Variants in WDR17 observed in about 807,000 individuals in gnomAD.
WDR17 encodes the protein WD repeat-containing protein 17.
Under a neutral mutation model 161.7 loss-of-function variants are expected in WDR17, and 143 were observed. The observed-to-expected ratio is 0.88, with a 90% CI of 0.77 to 1.02. WDR17 has a LOEUF of 1.02. Ranked by LOEUF, WDR17 falls within the 50% of genes least tolerant of loss-of-function variation. The pLI, the probability that WDR17 is intolerant of heterozygous loss-of-function variation, is 0.00. For missense variants in WDR17, 1,469 were observed against 1,520.9 expected (o/e 0.97, Z 0.57); for synonymous variants, 517 against 515.6 (o/e 1.00, Z -0.04).
intron 7 of WDR17, among the ~76,000 whole-genome samples, chr4:176,134,736 T>TTTG (rs1744121132): frequency 6.6e-6 from 1 of 151,746 alleles, no homozygotes; most frequent in African/African-American, 2.4e-5. Context: ...AGATGACATA[T>TTTG]GGTAACTATT....
intron 4 of WDR17, among the ~76,000 whole-genome samples, chr4:176,122,242 A>G (rs556856101): frequency 4.6e-5 from 7 of 152,236 alleles, no homozygotes; most frequent in Admixed American, 4.6e-4. Context: ...CTCTGTGACA[A>G]AATTTTCCCT....
At chr4:176,178,530 G>A (rs562141953) in intron 28 of WDR17, among the ~76,000 whole-genome samples, 3 of 152,192 alleles carry the variant, frequency 2.0e-5, no homozygotes, top group Admixed American at 2.0e-4. Context: ...AGCCAAACCT[G>A]CATCCAGGAA....
In WDR17 at chr4:176,071,121, TC is replaced by T. The variant is rs1378127322; in HGVS notation, c.-7+5043del. On this transcript the variant is annotated intron_variant, in intron 1 of 28. Coordinates refer to ENST00000508596, the MANE Select transcript of WDR17 (RefSeq NM_181265.4). ...GCAATTTATGGCAGAGTTCCTCAAGTCTTTTTTTTTTTAATGAGCAGTGATT... is the reference window on the plus strand; with the variant it reads ...GCAATTTATGGCAGAGTTCCTCAAGTTTTTTTTTTTTAATGAGCAGTGATT... Among the ~76,000 whole-genome samples the T allele has an allele frequency of 8.5e-5, 9 of 105,306 alleles. No homozygotes were observed. The East Asian group carries it at 2.7e-3, about 31-fold the overall frequency. 69.1% of individuals were successfully genotyped at this position (105,306 alleles called of 152,430 possible).
At chr4:176,121,274 A>T (rs1355831868) in intron 4 of WDR17, among the ~76,000 whole-genome samples, 1 of 152,204 alleles carries the variant, frequency 6.6e-6, no homozygotes, top group Non-Finnish European at 1.5e-5. Flanking sequence ...ATAGTTGGTC[A>T]TTAAGGCTGA....
At chr4:176,101,102 G>A (rs762031732) in intron 1 of WDR17, among the ~76,000 whole-genome samples, 69 of 152,000 alleles carry the variant, frequency 4.5e-4, no homozygotes, top group Non-Finnish European at 8.1e-4. Context: ...TTTTAGGATC[G>A]TGGCATTCTG....
intron 5 of WDR17, among the ~76,000 whole-genome samples, chr4:176,127,519 C>A (rs1329876984): frequency 6.6e-6 from 1 of 152,160 alleles, no homozygotes; most frequent in Non-Finnish European, 1.5e-5. Flanking sequence ...TGGTCTCAAA[C>A]TCCTAACCTC....
At chr4:176,089,639 C>G (rs893430405) in intron 1 of WDR17, among the ~76,000 whole-genome samples, 1 of 151,906 alleles carries the variant, frequency 6.6e-6, no homozygotes, top group African/African-American at 2.4e-5. Context: ...CTGAGTGTTG[C>G]ATGTATGAGT....
intron 7 of WDR17, among the ~76,000 whole-genome samples, chr4:176,132,232 C>A (rs1459183578): frequency 6.6e-6 from 1 of 152,002 alleles, no homozygotes; most frequent in East Asian, 1.9e-4. Flanking sequence ...CCTTGAGATC[C>A]CACATTTTTG....
At chr4:176,157,875 G>T (rs955801821) in intron 18 of WDR17, among the ~76,000 whole-genome samples, 2 of 152,108 alleles carry the variant, frequency 1.3e-5, no homozygotes, top group African/African-American at 4.8e-5. Flanking sequence ...TATATGAACT[G>T]AGCTATAAAG....
At chr4:176,080,316 G>T (rs891648150) in intron 1 of WDR17, among the ~76,000 whole-genome samples, 16 of 151,696 alleles carry the variant, frequency 1.1e-4, no homozygotes, top group African/African-American at 3.6e-4. Flanking sequence ...AATGTATATG[G>T]TATTTAAATT....
chr4:176,115,423 C>G (rs1232693367), intron 2 of WDR17, among the ~76,000 whole-genome samples: 2 of 151,712 alleles, frequency 1.3e-5, no homozygotes, highest in East Asian at 3.9e-4. Flanking sequence ...TTTCTTGATT[C>G]AAGTATAAGT....
At chr4:176,131,798 T>G in intron 7 of WDR17, 60 bp downstream of exon 7, 1 of 1,258,508 alleles carries the variant, frequency 7.9e-7, no homozygotes, top group South Asian at 2.2e-5. Flanking sequence ...CCCATGATCT[T>G]TACTTTTACC....
chr4:176,083,468 T>G (rs891635994), intron 1 of WDR17, among the ~76,000 whole-genome samples: 93 of 152,152 alleles, frequency 6.1e-4, no homozygotes, highest in Non-Finnish European at 1.9e-4. Context: ...AATACAGTAT[T>G]ATTTTTATAT....
chr4:176,095,563 A>G (rs1363858598), intron 1 of WDR17, among the ~76,000 whole-genome samples: 1 of 152,162 alleles, frequency 6.6e-6, no homozygotes, highest in Admixed American at 6.6e-5. Context: ...ATATTGAAGA[A>G]TGAAACACTC....
chr4:176,073,455 T>C (rs865806590), intron 1 of WDR17, among the ~76,000 whole-genome samples: 20 of 151,488 alleles, frequency 1.3e-4, no homozygotes, highest in African/African-American at 4.8e-4. Flanking sequence ...TATGGCTGCA[T>C]AGTATTTCAT....
At chr4:176,119,794 C>A in intron 3 of WDR17, 73 bp from the exon 4 acceptor site, 3 of 1,278,942 alleles carry the variant, frequency 2.3e-6, no homozygotes, top group Non-Finnish European at 3.3e-6. Flanking sequence ...GAAATGTAAA[C>A]AGGGCAAGTA....
At chr4:176,177,218 T>C in intron 27 of WDR17, 62 bp downstream of exon 27, 1 of 1,406,768 alleles carries the variant, frequency 7.1e-7, no homozygotes, top group Non-Finnish European at 1.0e-6. Flanking sequence ...GACAAACTTG[T>C]TGGAAGTATG....
chr4:176,131,612 AC>A lies in WDR17; in HGVS notation c.977del (p.Pro326GlnfsTer3), dbSNP rs757951281. 8 of 1,613,376 alleles carry A rather than the reference AC, an allele frequency of 5.0e-6. No homozygotes were observed. The African/African-American group carries it at 9.3e-5, about 19-fold the overall frequency. On this transcript the variant is annotated frameshift_variant, in exon 7 of 29. Coordinates refer to ENST00000508596, the MANE Select transcript of WDR17 (RefSeq NM_181265.4). LOFTEE classifies it high-confidence loss of function. The part of the protein sequence containing the change: ...YTSSTSEAVP[P>X]PTLTQNQAFS... ...CATCCTCAACAAGCGAAGCAGTTCC[AC>A]CCCCAACTTTAACACAGAATCAAGC...
intron 8 of WDR17, among the ~76,000 whole-genome samples, chr4:176,135,876 A>G (rs1744314500): frequency 6.6e-6 from 1 of 151,634 alleles, no homozygotes; most frequent in African/African-American, 2.4e-5. Flanking sequence ...TTTAAAGTAT[A>G]TGTAATGGTT....
Sources: gnomAD v4.1 joint callset for allele counts (sites outside exome capture counted in the v4.1 genomes callset) on GRCh38, gnomAD v4.1.1 for gene constraint, MANE v1.5 for transcripts, NCBI Gene and HGNC (gene_info 2026-07-23, HGNC 2026-07-21) for gene names.